The following TRMT6 variants were observed in gnomAD, a reference collection of about 807,000 sequenced individuals.
TRMT6 encodes tRNA methyltransferase 6 non-catalytic subunit.
A neutral mutation model predicts 59.0 loss-of-function variants in TRMT6; 34 were observed. The observed-to-expected ratio is 0.58, with a 90% CI of 0.44 to 0.77. TRMT6 has a LOEUF of 0.77. Ranked by LOEUF, TRMT6 falls within the 30% of genes least tolerant of loss-of-function variation. The pLI is 0.00. For synonymous variants in TRMT6, 217 were observed against 210.5 expected, an observed-to-expected ratio of 1.03 and a Z score of -0.27; for missense variants, 575 against 604.5, an observed-to-expected ratio of 0.95 and a Z score of 0.51.
At position 5,944,154 on chromosome 20, in the gene TRMT6, C is replaced by G; in HGVS notation, c.458+8G>C. The G allele has an allele frequency of 6.9e-7, 1 of 1,455,154 alleles. No homozygotes were observed. The highest frequency in any genetic ancestry group is 9.3e-7 in the Non-Finnish European group (1 of 1,077,920). 90.1% of individuals were successfully genotyped at this position (1,455,154 alleles called of 1,614,324 possible). A position where few individuals can be genotyped will look rare whatever the true frequency, so the allele number is the denominator to read the frequency against. On this transcript the variant is annotated splice_region_variant and intron_variant, in intron 4 of 10. Coordinates refer to ENST00000203001, the MANE Select transcript of TRMT6 (RefSeq NM_015939.5). ...TATTGTGGGCCTTTTAAAATAAAAA[C>G]TACTTACTTTTTTTTCTTCTTTTTA...
rs937357303 is a variant in TRMT6, at chr20:5,938,529, A to G, written c.*6T>C. 9.3e-6 allele frequency: 15 copies of G among 1,605,884 alleles called. No individual in the cohort carries two copies. Among genetic ancestry groups the G allele is most frequent in the Non-Finnish European group, 1.2e-5 (14 of 1,175,488 alleles). ...AGAACAAAATTCAGAGCAATTCTCA[A>G]AAGGGTTAAGAGTCAGACTCTGGGC... is the stretch of plus-strand genomic sequence containing the variant. On this transcript the variant is annotated 3_prime_UTR_variant, in exon 11 of 11. Coordinates refer to ENST00000203001, the MANE Select transcript of TRMT6 (RefSeq NM_015939.5).
rs766405213 is a variant in TRMT6 at position 5,943,648 on chromosome 20, G to A, written c.578C>T (p.Thr193Met). The A allele has an allele frequency of 1.3e-5, 21 of 1,614,048 alleles. No individual in the cohort carries two copies. The highest frequency in any genetic ancestry group is 1.1e-4 in the East Asian group (5 of 44,898). Residue 193 changes from threonine to methionine, a missense_variant, in exon 6 of 11, where the codon ACG becomes ATG. By Grantham distance (81) the Thr-to-Met change is moderately conservative. Transcript: ENST00000203001. Reference protein sequence around the residue: ...MRYDTLAQMLTLGNIRAGNKM... With the variant: ...MRYDTLAQMLMLGNIRAGNKM... ...GTTGCCAGCACGGATATTTCCCAAC[G>A]TCAACATCTGGGCTAGTGTATCGTA... is the stretch of plus-strand genomic sequence containing the variant.
At chr20:5,938,802 C>A in intron 10 of TRMT6, 76 bp from the exon 11 acceptor site, 1 of 1,342,626 alleles carries the variant, frequency 7.4e-7, no homozygotes, top group Non-Finnish European at 1.0e-6. Flanking sequence ...TACCAAAAAT[C>A]AGAATTTAAA....
At chr20:5,940,062 A>C (rs1478125520) in intron 10 of TRMT6, among the ~76,000 whole-genome samples, 1 of 152,200 alleles carries the variant, frequency 6.6e-6, no homozygotes, top group Non-Finnish European at 1.5e-5. Context: ...ATTTCTGCTT[A>C]ACACAGGGCT....
intron 6 of TRMT6, 145 bp from the exon 7 acceptor site, chr20:5,942,931 G>C (rs115842430): frequency 1.2e-5 from 8 of 677,236 alleles, no homozygotes; most frequent in East Asian, 1.0e-4. Context: ...GCTCCTCAGG[G>C]AGTCTGTTTG....
rs1600220350 is a variant in TRMT6, at chr20:5,937,783, T to C, written c.*752A>G. The C allele has an allele frequency of 6.6e-6, 1 of 152,248 alleles. No individual in the cohort carries two copies. The highest frequency in any genetic ancestry group is 1.9e-4 in the East Asian group (1 of 5,204). 9.4% of individuals were successfully genotyped at this position (152,248 alleles called of 1,614,324 possible). On this transcript the variant is annotated 3_prime_UTR_variant, in exon 11 of 11. Coordinates refer to ENST00000203001, the MANE Select transcript of TRMT6 (RefSeq NM_015939.5). ...ATATGTGTGTATATATACCAACATC[T>C]ATATACATATGTGTGTGTGTGCAAA...
intron 10 of TRMT6, among the ~76,000 whole-genome samples, chr20:5,939,486 G>GAAA (rs376972151): frequency 3.8e-5 from 3 of 79,004 alleles, no homozygotes; most frequent in African/African-American, 8.3e-5. Context: ...TCTCAAAAAT[G>GAAA]AAAAAAAAAA....
At chr20:5,942,228 A>G in intron 7 of TRMT6, 192 bp from the exon 8 acceptor site, 1 of 716,342 alleles carries the variant, frequency 1.4e-6, no homozygotes. Context: ...TAAGCTATCT[A>G]TGCAACGCTT....
intron 1 of TRMT6, among the ~76,000 whole-genome samples, chr20:5,949,896 T>A (rs2088765592): frequency 6.7e-6 from 1 of 150,286 alleles, no homozygotes; most frequent in Non-Finnish European, 1.5e-5. Flanking sequence ...GATCCCAAGG[T>A]CCTAGGGAAA....
chr20:5,948,076 C>T (rs1239394987), intron 1 of TRMT6, among the ~76,000 whole-genome samples: 2 of 152,060 alleles, frequency 1.3e-5, no homozygotes, highest in Non-Finnish European at 2.9e-5. Flanking sequence ...GCCAAGTTCA[C>T]GCCACTACAC....
chr20:5,943,957 C>G lies in TRMT6; in HGVS notation c.533G>C (p.Gly178Ala). Residue 178 changes from glycine to alanine, a missense_variant, in exon 5 of 11, where the codon GGA becomes GCA. By Grantham distance (60) the Gly-to-Ala change is moderately conservative. Coordinates refer to ENST00000203001, the MANE Select transcript of TRMT6 (RefSeq NM_015939.5). Reference sequence around the variant, plus strand: ...AGGAAACAAAGCGTACTTAATTTTTCCAGGTTCTCTTGCATAATACATAAT... The same window carrying G: ...AGGAAACAAAGCGTACTTAATTTTTGCAGGTTCTCTTGCATAATACATAAT... ...LSIMYYAREPGKINHMRYDTL... is the reference protein window; with the variant it reads ...LSIMYYAREPAKINHMRYDTL... The G allele has an allele frequency of 6.2e-7, 1 of 1,608,396 alleles. No homozygotes were observed. The highest frequency in any genetic ancestry group is 1.3e-5 in the African/African-American group (1 of 74,772).
chr20:5,938,851 TTTTC>T (rs564799206), intron 10 of TRMT6, 125 bp from the exon 11 acceptor site: 258 of 800,730 alleles, frequency 3.2e-4, no homozygotes, highest in Admixed American at 2.4e-3. Flanking sequence ...GGACATTTTT[TTTTC>T]TTTCTTTTCT....
intron 10 of TRMT6, among the ~76,000 whole-genome samples, chr20:5,939,043 A>G (rs2088633797): frequency 6.6e-6 from 1 of 151,666 alleles, no homozygotes; most frequent in African/African-American, 2.4e-5. Context: ...CCTCAAGTGA[A>G]CCTCCCACTT....
intron 9 of TRMT6, 30 bp downstream of exon 9, chr20:5,941,213 G>A: frequency 6.2e-7 from 1 of 1,608,656 alleles, no homozygotes; most frequent in Non-Finnish European, 8.5e-7. Flanking sequence ...TCAGACATAA[G>A]AATTCCTGCC....
rs762256687 is a variant in TRMT6, at chr20:5,938,534, G to T, written c.*1C>A. On this transcript the variant is annotated 3_prime_UTR_variant, in exon 11 of 11. Coordinates refer to ENST00000203001, the MANE Select transcript of TRMT6 (RefSeq NM_015939.5). ...AAAATTCAGAGCAATTCTCAAAAGGGTTAAGAGTCAGACTCTGGGCATTTT... is the reference window on the plus strand; with the variant it reads ...AAAATTCAGAGCAATTCTCAAAAGGTTTAAGAGTCAGACTCTGGGCATTTT... 2.5e-6 allele frequency: 4 copies of T among 1,613,158 alleles called. No homozygotes were observed. In the Admixed American group the frequency reaches 5.0e-5, roughly 20 times the overall value.
chr20:5,946,634 T>G (rs236182), intron 1 of TRMT6, 101 bp from the exon 2 acceptor site: 152,793 of 1,065,134 alleles, frequency 0.14, 15,647 homozygotes, highest in African/African-American at 0.45. Flanking sequence ...CCACAATGGA[T>G]GATCAGCAGC....
intron 3 of TRMT6, 76 bp downstream of exon 3, chr20:5,944,729 A>T: frequency 9.4e-7 from 1 of 1,064,590 alleles, no homozygotes; most frequent in East Asian, 2.4e-5. Flanking sequence ...CCTTAGGTAC[A>T]GTCTGCTTTA....
chr20:5,944,247 C>CT lies in TRMT6; in HGVS notation c.372dup (p.Val125SerfsTer6), dbSNP rs1445979629. 6.5e-7 allele frequency: 1 copy of CT among 1,550,248 alleles called. No individual in the cohort carries two copies. The highest frequency in any genetic ancestry group is 8.7e-7 in the Non-Finnish European group (1 of 1,145,898). On this transcript the variant is annotated frameshift_variant, in exon 4 of 11. Transcript: ENST00000203001. LOFTEE classifies it high-confidence loss of function. ...GTACTATTTTCAATTAACTGCTGAA[C>CT]TATTTCCTATAAGAAAAGGAGCAAG...
In TRMT6 at chr20:5,941,454, A is replaced by G; in HGVS notation, c.1113-109T>C. 3 of 772,126 alleles carry G rather than the reference A, an allele frequency of 3.9e-6. No homozygotes were observed. The South Asian group carries it at 5.2e-5, about 14-fold the overall frequency. 47.8% of individuals were successfully genotyped at this position (772,126 alleles called of 1,614,324 possible). On this transcript the variant is annotated intron_variant, in intron 8 of 10. Transcript: ENST00000203001. Reference sequence around the variant, plus strand: ...TATTTAATTTGCATGACTCACAAAGAGAAGAGATTTAAATATAACATTCTA... The same window carrying G: ...TATTTAATTTGCATGACTCACAAAGGGAAGAGATTTAAATATAACATTCTA...
Sources: allele counts gnomAD v4.1 joint callset (sites outside exome capture counted in the v4.1 genomes callset), GRCh38; gene constraint gnomAD v4.1.1; transcripts MANE v1.5; gene names NCBI Gene and HGNC (gene_info 2026-07-23, HGNC 2026-07-21).